CHD6: variants seen among roughly 807,000 people sequenced by gnomAD.
The protein encoded by CHD6 is chromodomain helicase DNA binding protein 6, also known as ATP-dependent chromatin remodeler CHD6.
Under a neutral mutation model 276.9 loss-of-function variants are expected in CHD6, and 50 were observed. The observed-to-expected ratio is 0.18, with a 90% CI of 0.14 to 0.23. CHD6 has a LOEUF of 0.23. Among genes scored for constraint, CHD6 ranks in the 10% least tolerant of loss-of-function variants. CHD6 has a pLI of 1.00. For missense variants in CHD6, 2,564 were observed against 3,365.8 expected (o/e 0.76, Z 5.89); for synonymous variants, 1,173 against 1,229.3 (o/e 0.95, Z 0.96).
intron 3 of CHD6, among the ~76,000 whole-genome samples, chr20:41,527,620 G>A (rs186522218): frequency 6.6e-5 from 10 of 152,294 alleles, no homozygotes; most frequent in African/African-American, 2.4e-4. Context: ...ATGCCACGAA[G>A]CTGACTTTTT....
At chr20:41,436,833 T>A (rs1293516431) in intron 27 of CHD6, among the ~76,000 whole-genome samples, 1 of 152,044 alleles carries the variant, frequency 6.6e-6, no homozygotes, top group East Asian at 1.9e-4. Flanking sequence ...AGAGAACAGA[T>A]GAGTGGTTGC....
chr20:41,514,891 T>C lies in CHD6; in HGVS notation c.616A>G (p.Thr206Ala), dbSNP rs1489674555. The change falls in exon 4 of 37, where the codon ACA (threonine) becomes GCA (alanine). Residue 206 changes from threonine to alanine, a missense_variant. Thr to Ala is a moderately conservative substitution (Grantham distance 58). Coordinates refer to ENST00000373233, the MANE Select transcript of CHD6 (RefSeq NM_032221.5). Reference sequence around the variant, plus strand: ...TGATCCAGCTCTAAACTCTCCACTGTAGTTTCACTTTTCCTTTTTCCTTTC... The same window carrying C: ...TGATCCAGCTCTAAACTCTCCACTGCAGTTTCACTTTTCCTTTTTCCTTTC... ...KKKGKRKSET[T>A]VESLELDQGL... is the part of the protein sequence containing the mutation. 3 of 1,614,092 alleles carry C rather than the reference T, an allele frequency of 1.9e-6. No homozygotes were observed. The highest frequency in any genetic ancestry group is 2.5e-6 in the Non-Finnish European group (3 of 1,179,946).
chr20:41,422,108 A>G (rs917271667), intron 30 of CHD6, 29 bp from the exon 31 acceptor site: 1 of 1,570,358 alleles, frequency 6.4e-7, no homozygotes, highest in South Asian at 1.2e-5. Flanking sequence ...AAAGCCTATC[A>G]CTGAAGGTGA....
chr20:41,435,959 A>G (rs1260826259), intron 27 of CHD6, among the ~76,000 whole-genome samples: 1 of 152,164 alleles, frequency 6.6e-6, no homozygotes, highest in African/African-American at 2.4e-5. Flanking sequence ...GAACCCACAA[A>G]TATGCCAAAC....
At chr20:41,470,906 G>C (rs1248419937) in intron 17 of CHD6, among the ~76,000 whole-genome samples, 1 of 152,198 alleles carries the variant, frequency 6.6e-6, no homozygotes, top group Non-Finnish European at 1.5e-5. Flanking sequence ...GATCCTCCTG[G>C]ATATCGCTTC....
intron 17 of CHD6, among the ~76,000 whole-genome samples, chr20:41,465,140 T>G (rs187894414): frequency 2.0e-5 from 3 of 152,264 alleles, no homozygotes; most frequent in Admixed American, 2.0e-4. Context: ...GAACCATTGA[T>G]GGAAGCTAAA....
At chr20:41,563,886 T>C (rs1429736806) in intron 1 of CHD6, 2 of 587,788 alleles carry the variant, frequency 3.4e-6, no homozygotes, top group African/African-American at 3.7e-5. Flanking sequence ...GTCATAATCT[T>C]ATGGGGGAAG....
Position 41,569,270 on chromosome 20 carries a change from G to A in CHD6, c.-23-17910C>T, listed in dbSNP as rs543990484. On this transcript the variant is annotated intron_variant, in intron 1 of 36. Transcript: ENST00000373233. The stretch of plus-strand genomic sequence containing the variant: ...TGCAGGCAATAAGCAGAATATTTAG[G>A]AGGCCACTTTAGGCCAACTTAAGCC... Among the ~76,000 whole-genome samples, 343 of 152,246 alleles carry A rather than the reference G, an allele frequency of 2.3e-3. 1 individual carries two copies. Among genetic ancestry groups the A allele is most frequent in the Middle Eastern group, 6.8e-3 (2 of 294 alleles).
chr20:41,420,940 T>C lies in CHD6; in HGVS notation c.5695A>G (p.Asn1899Asp), dbSNP rs751102417. The change falls in exon 31 of 37, where the codon AAC (asparagine) becomes GAC (aspartate). Residue 1899 changes from asparagine (N) to aspartate (D), a missense_variant. Asn to Asp is a conservative substitution (Grantham distance 23). Around this residue, in one of 7 missense-constraint regions of CHD6, gnomAD observed 1,024 missense variants for 1,047.9 expected, o/e 0.98. Coordinates refer to ENST00000373233, the MANE Select transcript of CHD6 (RefSeq NM_032221.5). ...EVLHLTEPTT[N>D]ISREKNQGFQ... ...CCTTGGTTCTTTTCCCTTGAGATGT[T>C]AGTAGTGGGCTCCGTGAGATGCAAT... 2 of 1,614,216 alleles carry C rather than the reference T, an allele frequency of 1.2e-6. No individual in the cohort carries two copies. Among genetic ancestry groups the C allele is most frequent in the South Asian group, 1.1e-5 (1 of 91,082 alleles).
intron 1 of CHD6, among the ~76,000 whole-genome samples, chr20:41,582,357 A>G (rs953399536): frequency 7.2e-5 from 11 of 152,192 alleles, no homozygotes; most frequent in Non-Finnish European, 1.3e-4. Context: ...TGATAACATA[A>G]ATCTTTAGGG....
chr20:41,584,466 A>T (rs546487428), intron 1 of CHD6, among the ~76,000 whole-genome samples: 9 of 152,268 alleles, frequency 5.9e-5, no homozygotes, highest in Admixed American at 3.9e-4. Context: ...ATAACACTAC[A>T]ACCAACTTTA....
rs1339407829 is a variant in CHD6 at position 41,555,786 on chromosome 20, G to A, written c.-23-4426C>T. On this transcript the variant is annotated intron_variant, in intron 1 of 36. Coordinates refer to ENST00000373233, the MANE Select transcript of CHD6 (RefSeq NM_032221.5). ...TTCCAGACTGGGCAGCCAGGCAGAG[G>A]GGCTCCTCACGTCCCAGACGATGGG... Among the ~76,000 whole-genome samples, 79 of 151,392 alleles carry A rather than the reference G, an allele frequency of 5.2e-4. No homozygotes were observed. The East Asian group carries it at 0.012, about 23-fold the overall frequency.
intron 4 of CHD6, among the ~76,000 whole-genome samples, chr20:41,514,439 T>C (rs1430714840): frequency 1.3e-5 from 2 of 152,206 alleles, no homozygotes; most frequent in Non-Finnish European, 2.9e-5. Context: ...TCTGGGATTA[T>C]GAAAATATCC....
At chr20:41,413,573 A>G (rs1268644714) in intron 34 of CHD6, 58 bp from the exon 35 acceptor site, 1 of 1,350,574 alleles carries the variant, frequency 7.4e-7, no homozygotes, top group Non-Finnish European at 9.9e-7. Context: ...TAGTTTCTAA[A>G]GAAAGAAAAC....
chr20:41,500,664 G>A (rs2043810176), intron 5 of CHD6, among the ~76,000 whole-genome samples: 1 of 152,124 alleles, frequency 6.6e-6, no homozygotes, highest in African/African-American at 2.4e-5. Flanking sequence ...ATATAGATAG[G>A]TGGCAGGGAG....
intron 14 of CHD6, 21 bp from the exon 15 acceptor site, chr20:41,484,628 T>C: frequency 3.1e-6 from 5 of 1,612,554 alleles, no homozygotes; most frequent in Non-Finnish European, 4.2e-6. Context: ...AAATGAGACC[T>C]AGTTACCTGC....
Position 41,413,409 on chromosome 20 carries a change from G to A in CHD6, c.7046C>T (p.Ala2349Val), listed in dbSNP as rs1026998793. The A allele has an allele frequency of 1.9e-6, 3 of 1,612,120 alleles. No homozygotes were observed. The highest frequency in any genetic ancestry group is 2.5e-6 in the Non-Finnish European group (3 of 1,179,970). ...ACTCTTGCTGGGAATGGATTTCTCG[G>A]CTTGGCTGCTGGCTGCCGTAGCTGG... Reference protein sequence around the residue: ...PEPATAASSQAEKSIPSKSLL... With the variant: ...PEPATAASSQVEKSIPSKSLL... The change falls in exon 35 of 37, where the codon GCC (alanine) becomes GTC (valine). Residue 2349 changes from alanine to valine, a missense_variant. Ala to Val is a moderately conservative substitution (Grantham distance 64). This residue lies in a region of CHD6 where 1,024 missense variants were observed against 1,047.9 expected (regional missense o/e 0.98). Coordinates refer to ENST00000373233, the MANE Select transcript of CHD6 (RefSeq NM_032221.5).
chr20:41,484,704 C>T, intron 14 of CHD6, 97 bp from the exon 15 acceptor site: 1 of 1,285,274 alleles, frequency 7.8e-7, no homozygotes, highest in Non-Finnish European at 1.1e-6. Context: ...AACATTTACC[C>T]ATAGTACTGT....
chr20:41,583,404 A>C (rs901873226), intron 1 of CHD6, among the ~76,000 whole-genome samples: 61 of 152,124 alleles, frequency 4.0e-4, no homozygotes, highest in African/African-American at 1.4e-3. Context: ...GAAGGAAAAA[A>C]AAAACACACC....
Sources: allele counts gnomAD v4.1 joint callset (sites outside exome capture counted in the v4.1 genomes callset), GRCh38; gene constraint gnomAD v4.1.1; regional missense constraint gnomAD v4.1.1; transcripts MANE v1.5; gene names NCBI Gene and HGNC (gene_info 2026-07-23, HGNC 2026-07-21).